TMCC1: variants seen among roughly 807,000 people sequenced by gnomAD.
TMCC1 encodes transmembrane and coiled-coil domains protein 1.
A neutral mutation model predicts 52.4 loss-of-function variants in TMCC1; 15 were observed. The observed-to-expected ratio is 0.29, with a 90% CI of 0.19 to 0.44. TMCC1 has a LOEUF of 0.44. Among genes scored for constraint, TMCC1 ranks in the 20% least tolerant of loss-of-function variants. The pLI, the probability that TMCC1 is intolerant of heterozygous loss-of-function variation, is 1.00. For synonymous variants in TMCC1, 279 were observed against 301.9 expected, an observed-to-expected ratio of 0.92 and a Z score of 0.79; for missense variants, 503 against 806.0, an observed-to-expected ratio of 0.62 and a Z score of 4.55.
intron 4 of TMCC1, among the ~76,000 whole-genome samples, chr3:129,723,371 T>C (rs2049794866): frequency 6.7e-6 from 1 of 148,180 alleles, no homozygotes; most frequent in South Asian, 2.1e-4. Context: ...TTTTTTTTTT[T>C]TTTTTTTTGG....
At chr3:129,862,267 G>A (rs1351045249) in intron 2 of TMCC1, among the ~76,000 whole-genome samples, 1 of 152,082 alleles carries the variant, frequency 6.6e-6, no homozygotes, top group Non-Finnish European at 1.5e-5. Flanking sequence ...TGGGGGTGAT[G>A]AAAATGTTTT....
intron 4 of TMCC1, among the ~76,000 whole-genome samples, chr3:129,822,622 C>T (rs959823651): frequency 6.6e-6 from 1 of 152,122 alleles, no homozygotes; most frequent in African/African-American, 2.4e-5. Flanking sequence ...CTTCAATTCT[C>T]TGGCATTCTT....
At chr3:129,720,491 T>C (rs922909610) in intron 4 of TMCC1, among the ~76,000 whole-genome samples, 8 of 151,868 alleles carry the variant, frequency 5.3e-5, no homozygotes, top group Non-Finnish European at 8.8e-5. Flanking sequence ...AAAAATAAAA[T>C]AAAACCTTGA....
At chr3:129,884,589 A>T (rs2061606234) in intron 1 of TMCC1, among the ~76,000 whole-genome samples, 2 of 152,246 alleles carry the variant, frequency 1.3e-5, no homozygotes, top group Admixed American at 1.3e-4. Flanking sequence ...AATCACAGTC[A>T]ATATTATTTC....
At chr3:129,711,662 T>C (rs1037325057) in intron 4 of TMCC1, among the ~76,000 whole-genome samples, 45 of 151,338 alleles carry the variant, frequency 3.0e-4, no homozygotes, top group African/African-American at 1.0e-3. Context: ...CTGGCCAACA[T>C]GATGAAACCC....
intron 2 of TMCC1, among the ~76,000 whole-genome samples, chr3:129,852,610 A>G (rs2059968235): frequency 6.6e-6 from 1 of 152,182 alleles, no homozygotes; most frequent in Admixed American, 6.5e-5. Flanking sequence ...AGCTATAGAG[A>G]TGGCTGGTCC....
chr3:129,844,929 T>C lies in TMCC1; in HGVS notation c.-183-12103A>G, dbSNP rs73866137. On this transcript the variant is annotated intron_variant, in intron 2 of 6. Coordinates refer to ENST00000393238, the MANE Select transcript of TMCC1 (RefSeq NM_001017395.5). ...GAAAGGATGTCTATAAGGGTCAGTA[T>C]ATCTAGAGGACAATCTGTCTGAAAA... Among the ~76,000 whole-genome samples the C allele has an allele frequency of 1.0e-2, 1,518 of 152,304 alleles. 17 individuals carry two copies. The highest frequency in any genetic ancestry group is 0.035 in the African/African-American group (1,447 of 41,560).
chr3:129,766,804 A>G (rs1157982788), intron 4 of TMCC1, among the ~76,000 whole-genome samples: 1 of 151,830 alleles, frequency 6.6e-6, no homozygotes, highest in Non-Finnish European at 1.5e-5. Context: ...TTTTTAGTGG[A>G]GATAAGGTTT....
chr3:129,729,805 G>A (rs2050398408), intron 4 of TMCC1, among the ~76,000 whole-genome samples: 1 of 151,550 alleles, frequency 6.6e-6, no homozygotes, highest in Admixed American at 6.6e-5. Flanking sequence ...CTAACGCAAA[G>A]CCTATTTCAT....
At chr3:129,797,867 C>A (rs1226744713) in intron 4 of TMCC1, among the ~76,000 whole-genome samples, 1 of 152,124 alleles carries the variant, frequency 6.6e-6, no homozygotes, top group Non-Finnish European at 1.5e-5. Flanking sequence ...ACACCTATAA[C>A]CAAAAGTAAA....
Position 129,651,507 on chromosome 3 carries a change from C to T in TMCC1, c.1936G>A (p.Glu646Lys), listed in dbSNP as rs768153490. ...KHWDALFSYV[E>K]RFFSSPR ...CATCTAGGGGATGAAAAGAACCGTT[C>T]CACATAGCTGAAGAGGGCGTCCCAG... Residue 646 changes from glutamate to lysine, a missense_variant, in exon 7 of 7, where the codon GAA becomes AAA. Glu to Lys is a moderately conservative substitution (Grantham distance 56). This residue lies in a region of TMCC1 where 50 missense variants were observed against 62.6 expected (regional missense o/e 0.80). Transcript: ENST00000393238. The surrounding 1 kb of genome is among the most constrained non-coding windows in gnomAD (Gnocchi z 5.1). 1 of 1,614,074 alleles carries T rather than the reference C, an allele frequency of 6.2e-7. No homozygotes were observed. The highest frequency in any genetic ancestry group is 2.2e-5 in the East Asian group (1 of 44,880).
At chr3:129,790,129 T>C (rs146201622) in intron 4 of TMCC1, among the ~76,000 whole-genome samples, 244 of 152,340 alleles carry the variant, frequency 1.6e-3, no homozygotes, top group African/African-American at 5.7e-3. Flanking sequence ...TTTACTGTTA[T>C]TTCAATGATT....
chr3:129,661,150 T>C (rs547761709), intron 5 of TMCC1, among the ~76,000 whole-genome samples: 9 of 152,366 alleles, frequency 5.9e-5, no homozygotes, highest in Admixed American at 4.6e-4. Context: ...TAATGCTTTG[T>C]TAGCAAGCAG....
chr3:129,780,030 C>T (rs1452315645), intron 4 of TMCC1, among the ~76,000 whole-genome samples: 1 of 152,062 alleles, frequency 6.6e-6, no homozygotes, highest in Non-Finnish European at 1.5e-5. Flanking sequence ...CCATTCTGAT[C>T]CCCTTTTTTC....
At chr3:129,799,448 G>A (rs2057046573) in intron 4 of TMCC1, among the ~76,000 whole-genome samples, 1 of 152,062 alleles carries the variant, frequency 6.6e-6, no homozygotes, top group Admixed American at 6.6e-5. Context: ...ATTTCCATAT[G>A]CTCCTCTATC....
At chr3:129,802,955 G>C (rs2057277448) in intron 4 of TMCC1, among the ~76,000 whole-genome samples, 1 of 152,220 alleles carries the variant, frequency 6.6e-6, no homozygotes, top group Admixed American at 6.5e-5. Flanking sequence ...GGAAATCCAA[G>C]GTTGATGGGC....
Position 129,651,537 on chromosome 3 carries a change from TC to T in TMCC1, c.1905del (p.Trp635Ter). On this transcript the variant is annotated frameshift_variant, in exon 7 of 7. Transcript: ENST00000393238. LOFTEE classifies it high-confidence loss of function. The surrounding 1 kb of genome is among the most constrained non-coding windows in gnomAD (Gnocchi z 5.1). ...LFLVVFIAFL[W>X]KHWDALFSYV... The stretch of plus-strand genomic sequence containing the variant: ...TAGCTGAAGAGGGCGTCCCAGTGCT[TC>T]CAGAGAAAGGCAATAAAAACCACAA... 1 of 1,614,154 alleles carries T rather than the reference TC, an allele frequency of 6.2e-7. No homozygotes were observed. Among genetic ancestry groups the T allele is most frequent in the Non-Finnish European group, 8.5e-7 (1 of 1,180,022 alleles).
intron 4 of TMCC1, among the ~76,000 whole-genome samples, chr3:129,756,590 G>T (rs1192482504): frequency 6.6e-6 from 1 of 152,094 alleles, no homozygotes; most frequent in African/African-American, 2.4e-5. Flanking sequence ...AGTAGAGACG[G>T]GGTTTCACCA....
chr3:129,714,117 T>TGGGGAGGG (rs2048895494), intron 4 of TMCC1, among the ~76,000 whole-genome samples: 1 of 152,168 alleles, frequency 6.6e-6, no homozygotes, highest in Non-Finnish European at 1.5e-5. Flanking sequence ...ACATCACCTT[T>TGGGGAGGG]GGGGAGGGGG....
Sources: allele counts gnomAD v4.1 joint callset (sites outside exome capture counted in the v4.1 genomes callset), GRCh38; gene constraint gnomAD v4.1.1; regional missense constraint gnomAD v4.1.1; non-coding constraint Gnocchi (gnomAD v3.1); transcripts MANE v1.5; gene names NCBI Gene and HGNC (gene_info 2026-07-23, HGNC 2026-07-21).